The following CREBBP variants were observed in gnomAD, a reference collection of about 807,000 sequenced individuals.
CREBBP encodes the protein CREB binding lysine acetyltransferase, also known as CREB-binding protein.
CREBBP carries 19 observed loss-of-function variants against 265.0 expected under a neutral mutation model. The observed-to-expected ratio is 0.07, with a 90% CI of 0.05 to 0.11. The LOEUF is 0.11. CREBBP is among the 10% of genes least tolerant of loss of function. CREBBP has a pLI of 1.00. For missense variants in CREBBP, 2,525 were observed against 3,219.0 expected (o/e 0.78, Z 5.22); for synonymous variants, 1,457 against 1,223.7 (o/e 1.19, Z -3.98).
At chr16:3,836,022 T>C (rs2054441970) in intron 2 of CREBBP, among the ~76,000 whole-genome samples, 2 of 152,156 alleles carry the variant, frequency 1.3e-5, no homozygotes, top group Admixed American at 1.3e-4. Context: ...ACAACGTGGA[T>C]GAATCTCAGA....
At chr16:3,761,184 C>A (rs1375578821) in intron 16 of CREBBP, among the ~76,000 whole-genome samples, 1 of 152,088 alleles carries the variant, frequency 6.6e-6, no homozygotes, top group Non-Finnish European at 1.5e-5. Context: ...GAACTCCTGA[C>A]CTCAGGTGAT....
chr16:3,862,564 G>A (rs1314990478), intron 1 of CREBBP, among the ~76,000 whole-genome samples: 2 of 152,218 alleles, frequency 1.3e-5, no homozygotes, highest in Non-Finnish European at 2.9e-5. Flanking sequence ...CATATGCTGT[G>A]TTTTGTATGA....
intron 3 of CREBBP, among the ~76,000 whole-genome samples, chr16:3,797,334 A>T (rs115235409): frequency 0.014 from 2,116 of 152,294 alleles, 51 homozygotes; most frequent in African/African-American, 0.048. Flanking sequence ...TAATTTCTTT[A>T]CTTAAGTCCA....
chr16:3,743,991 G>A (rs987054543), intron 23 of CREBBP, among the ~76,000 whole-genome samples: 5 of 151,986 alleles, frequency 3.3e-5, no homozygotes, highest in Admixed American at 1.3e-4. Flanking sequence ...CAGGAGAATC[G>A]CTTGAACCCA....
intron 3 of CREBBP, among the ~76,000 whole-genome samples, chr16:3,809,882 G>A (rs1369629998): frequency 2.6e-5 from 4 of 152,116 alleles, no homozygotes; most frequent in Admixed American, 2.6e-4. Flanking sequence ...GCACAGTGGG[G>A]AGAGATGGCT....
At chr16:3,799,129 T>G (rs930644696) in intron 3 of CREBBP, among the ~76,000 whole-genome samples, 1 of 151,966 alleles carries the variant, frequency 6.6e-6, no homozygotes, top group Non-Finnish European at 1.5e-5. Flanking sequence ...GATACATCCA[T>G]GGGGGTAGAA....
intron 16 of CREBBP, 195 bp downstream of exon 16, chr16:3,767,525 G>C (rs374284298): frequency 5.7e-6 from 4 of 696,046 alleles, no homozygotes; most frequent in South Asian, 3.8e-5. Flanking sequence ...CTCCTGCCAT[G>C]AGCCCCACAG....
At chr16:3,742,895 G>A (rs1259501008) in intron 23 of CREBBP, 1 of 152,188 alleles carries the variant, frequency 6.6e-6, no homozygotes, top group Non-Finnish European at 1.5e-5. Flanking sequence ...GAGGGGGCTG[G>A]ACCTGCTCTG....
In CREBBP at chr16:3,731,706, G is replaced by C. The variant is rs1263457196; in HGVS notation, c.4890+70C>G. 6.2e-7 allele frequency: 1 copy of C among 1,603,740 alleles called. No homozygotes were observed. Among genetic ancestry groups the C allele is most frequent in the Non-Finnish European group, 8.5e-7 (1 of 1,171,826 alleles). ...ACCACAGACCTGCACACGGGCCCAC[G>C]CCCGCCAGCTGCGAGTCTTTCCCTC... On this transcript the variant is annotated intron_variant, in intron 29 of 30. Coordinates refer to ENST00000262367, the MANE Select transcript of CREBBP (RefSeq NM_004380.3). This position sits in a 1 kb window ranked among gnomAD's most constrained non-coding sequence, Gnocchi z 7.7.
At chr16:3,794,652 A>G (rs2053573432) in intron 3 of CREBBP, among the ~76,000 whole-genome samples, 1 of 152,242 alleles carries the variant, frequency 6.6e-6, no homozygotes, top group South Asian at 2.1e-4. Context: ...AAAAATACAG[A>G]AAGGGTTTGC....
chr16:3,868,120 TAAGA>T, intron 1 of CREBBP, among the ~76,000 whole-genome samples: 1 of 152,122 alleles, frequency 6.6e-6, no homozygotes, highest in South Asian at 2.1e-4. Flanking sequence ...CTAGAATACG[TAAGA>T]AACAGCTAAC....
chr16:3,725,228 TAGCATCCACAGACCA>T lies in CREBBP; in HGVS notation c.*2475_*2489del, dbSNP rs2051711978. ...AATTTCCTTACGACAAACTTAGGGT[TAGCATCCACAGACCA>T]TGCTCTCGGTCACATCCTTCGACAT... On this transcript the variant is annotated 3_prime_UTR_variant, in exon 31 of 31. Coordinates refer to ENST00000262367, the MANE Select transcript of CREBBP (RefSeq NM_004380.3). 4.3e-6 allele frequency: 1 copy of T among 233,578 alleles called. No homozygotes were observed. Among genetic ancestry groups the T allele is most frequent in the East Asian group, 6.0e-5 (1 of 16,588 alleles). The allele number at this position is 233,578 out of a possible 1,614,324, so 14.5% of individuals were successfully genotyped here.
Position 3,731,672 on chromosome 16 carries a change from T to A in CREBBP, c.4890+104A>T, listed in dbSNP as rs1277650534. On this transcript the variant is annotated intron_variant, in intron 29 of 30. Transcript: ENST00000262367. The surrounding 1 kb of genome is among the most constrained non-coding windows in gnomAD (Gnocchi z 7.7). The stretch of plus-strand genomic sequence containing the variant: ...GTCCACTTGGTTTCCTGGGGGCCAC[T>A]TCCCTCCCACCACAGACCTGCACAC... 3 of 1,540,112 alleles carry A rather than the reference T, an allele frequency of 1.9e-6. No homozygotes were observed. In the African/African-American group the frequency reaches 4.1e-5, roughly 21 times the overall value.
At chr16:3,849,420 T>TGTGTGTGTGTG (rs2054744013) in intron 2 of CREBBP, among the ~76,000 whole-genome samples, 1 of 6,784 alleles carries the variant, frequency 1.5e-4, no homozygotes, top group African/African-American at 1.7e-4. Context: ...TGTGTGTGTG[T>TGTGTGTGTGTG]GTGTGTGTGT....
At chr16:3,874,140 C>G (rs889834422) in intron 1 of CREBBP, among the ~76,000 whole-genome samples, 2 of 152,186 alleles carry the variant, frequency 1.3e-5, no homozygotes, top group African/African-American at 4.8e-5. Context: ...AAAAATGCAA[C>G]CGGTCACCAG....
chr16:3,799,188 CTG>C (rs1567322506), intron 3 of CREBBP, among the ~76,000 whole-genome samples: 2 of 152,168 alleles, frequency 1.3e-5, no homozygotes, highest in Non-Finnish European at 2.9e-5. Flanking sequence ...TGGGGAATAA[CTG>C]CTAATGGTAC....
rs1304770364 is a variant in CREBBP, at chr16:3,793,420, G to A, written c.1182C>T (p.His394=). ...HCRTMKNVLN[H]MTHCQAGKAC... ...CTTTCCCAGCCTGACAATGCGTCAT[G>A]TGATTCAAAACGTTTTTCATGGTTC... is the stretch of plus-strand genomic sequence containing the variant. Residue 394 remains histidine (H), a synonymous_variant, in exon 4 of 31, where the codon CAC becomes CAT. Coordinates refer to ENST00000262367, the MANE Select transcript of CREBBP (RefSeq NM_004380.3). 3.1e-6 allele frequency: 5 copies of A among 1,614,172 alleles called. No individual in the cohort carries two copies. In the South Asian group the frequency reaches 3.3e-5, roughly 11 times the overall value.
chr16:3,822,880 G>A (rs2054167080), intron 2 of CREBBP, among the ~76,000 whole-genome samples: 1 of 152,134 alleles, frequency 6.6e-6, no homozygotes, highest in African/African-American at 2.4e-5. Flanking sequence ...CCAGGAGCTG[G>A]CTCAGTCCGC....
chr16:3,860,105 G>A (rs1031402106), intron 1 of CREBBP, among the ~76,000 whole-genome samples: 2 of 152,060 alleles, frequency 1.3e-5, no homozygotes, highest in Non-Finnish European at 2.9e-5. Context: ...GCAGCACCGA[G>A]TGCCTACTCG....
Sources: gnomAD v4.1 joint callset for allele counts (sites outside exome capture counted in the v4.1 genomes callset) on GRCh38, gnomAD v4.1.1 for gene constraint, Gnocchi (gnomAD v3.1) non-coding constraint, MANE v1.5 for transcripts, NCBI Gene and HGNC (gene_info 2026-07-23, HGNC 2026-07-21) for gene names.